The following ELAPOR2 variants were observed in gnomAD, a reference collection of about 807,000 sequenced individuals.
ELAPOR2 encodes the protein endosome/lysosome-associated apoptosis and autophagy regulator family member 2.
In ELAPOR2, 89 loss-of-function variants were observed where a neutral mutation model predicts 120.7. The ratio of observed to expected loss-of-function variants is 0.74; its 90% CI spans 0.62 to 0.88. The LOEUF (loss-of-function observed/expected upper bound fraction) is 0.88, where lower values mean the gene tolerates loss of function less well. ELAPOR2 is among the 40% of genes least tolerant of loss of function. The pLI is 0.00. For missense variants in ELAPOR2, 1,134 were observed against 1,251.6 expected (o/e 0.91, Z 1.42); for synonymous variants, 444 against 444.9 (o/e 1.00, Z 0.03).
chr7:86,965,877 C>T, intron 1 of ELAPOR2: 1 of 985,374 alleles, frequency 1.0e-6, no homozygotes, highest in Non-Finnish European at 1.2e-6. Flanking sequence ...GCCTCCCTCA[C>T]TGTGTCAATG....
At chr7:86,996,666 G>GAA (rs767591231) in intron 1 of ELAPOR2, among the ~76,000 whole-genome samples, 34 of 152,222 alleles carry the variant, frequency 2.2e-4, no homozygotes, top group Non-Finnish European at 4.3e-4. Flanking sequence ...ACAGAGAACA[G>GAA]AAGTGGAGGT....
intron 1 of ELAPOR2, among the ~76,000 whole-genome samples, chr7:86,984,489 C>T (rs11771311): frequency 0.024 from 3,657 of 152,312 alleles, 72 homozygotes; most frequent in Non-Finnish European, 0.036. Context: ...TACTGTCTCC[C>T]AGACCACAGT....
At chr7:86,981,605 C>T (rs1692073535) in intron 1 of ELAPOR2, among the ~76,000 whole-genome samples, 1 of 152,222 alleles carries the variant, frequency 6.6e-6, no homozygotes, top group Admixed American at 6.5e-5. Context: ...CTGCTTCAGG[C>T]AACTAATGAA....
At chr7:87,014,958 T>C (rs1199563675) in intron 1 of ELAPOR2, among the ~76,000 whole-genome samples, 1 of 152,020 alleles carries the variant, frequency 6.6e-6, no homozygotes, top group East Asian at 1.9e-4. Flanking sequence ...GCAGTTTTCA[T>C]ATATAATTAT....
At chr7:86,955,197 T>A (rs577477253) in intron 2 of ELAPOR2, among the ~76,000 whole-genome samples, 15 of 152,238 alleles carry the variant, frequency 9.9e-5, no homozygotes, top group African/African-American at 3.4e-4. Flanking sequence ...ACCATCCTTT[T>A]AAGCTGTTAT....
At chr7:87,039,258 C>A (rs1398941803) in intron 1 of ELAPOR2, among the ~76,000 whole-genome samples, 2 of 151,496 alleles carry the variant, frequency 1.3e-5, no homozygotes, top group Non-Finnish European at 2.9e-5. Context: ...GAAATCAAAG[C>A]CACAATAAAA....
intron 12 of ELAPOR2, among the ~76,000 whole-genome samples, chr7:86,915,441 ATATTT>A (rs949597558): frequency 2.0e-5 from 3 of 151,894 alleles, no homozygotes; most frequent in Non-Finnish European, 4.4e-5. Context: ...GGTTTAATTT[ATATTT>A]TATTTATTAT....
At position 86,986,102 on chromosome 7, in the gene ELAPOR2, G is replaced by A. The variant is rs570749042; in HGVS notation, c.190-21078C>T. Among the ~76,000 whole-genome samples the A allele has an allele frequency of 1.8e-4, 27 of 149,536 alleles. No individual in the cohort carries two copies. In the East Asian group the frequency reaches 2.3e-3, roughly 13 times the overall value. On this transcript the variant is annotated intron_variant, in intron 1 of 21. Coordinates refer to ENST00000450689, the MANE Select transcript of ELAPOR2 (RefSeq NM_001142749.3). ...AAAGAAATAAAGGGTATTCAATCAG[G>A]AAAAGAGGAAGTCAAATTGTCCCTG... is the stretch of plus-strand genomic sequence containing the variant.
At chr7:86,964,690 T>A (rs1271703677) in intron 2 of ELAPOR2, among the ~76,000 whole-genome samples, 1 of 152,080 alleles carries the variant, frequency 6.6e-6, no homozygotes, top group East Asian at 1.9e-4. Context: ...TAAAAAAAAA[T>A]AATAACATTC....
intron 1 of ELAPOR2, among the ~76,000 whole-genome samples, chr7:87,004,041 T>C (rs1767698): frequency 0.38 from 57,569 of 151,968 alleles, 11,754 homozygotes; most frequent in African/African-American, 0.53. Context: ...ATCTAAAAAG[T>C]CAAGTGTGAG....
At chr7:86,990,945 T>C (rs957713800) in intron 1 of ELAPOR2, among the ~76,000 whole-genome samples, 2 of 152,212 alleles carry the variant, frequency 1.3e-5, no homozygotes, top group Non-Finnish European at 1.5e-5. Context: ...AAAGCAGGTC[T>C]GTCAAAGGAA....
chr7:86,903,692 T>A (rs1045286150), intron 18 of ELAPOR2, among the ~76,000 whole-genome samples: 22 of 152,172 alleles, frequency 1.4e-4, no homozygotes, highest in Non-Finnish European at 3.2e-4. Context: ...GTTCCTTTTG[T>A]GAGATTCAAT....
chr7:87,040,110 G>T (rs796363079), intron 1 of ELAPOR2, among the ~76,000 whole-genome samples: 51 of 152,352 alleles, frequency 3.3e-4, no homozygotes, highest in Middle Eastern at 3.4e-3. Context: ...CACCTGGCTC[G>T]GAGGGTCCTA....
chr7:86,914,874 GA>G lies in ELAPOR2; in HGVS notation c.1594-15del. 2 of 1,588,704 alleles carry G rather than the reference GA, an allele frequency of 1.3e-6. No individual in the cohort carries two copies. The highest frequency in any genetic ancestry group is 8.6e-7 in the Non-Finnish European group (1 of 1,165,298). On this transcript the variant is annotated splice_polypyrimidine_tract_variant and intron_variant, in intron 12 of 21. Coordinates refer to ENST00000450689, the MANE Select transcript of ELAPOR2 (RefSeq NM_001142749.3). ...TCTATTAATATCCTGAAATATAGTG[GA>G]AAAACTATATTCAAATAAAGCACAA... is the stretch of plus-strand genomic sequence containing the variant.
chr7:87,023,995 A>G (rs1376858070), intron 1 of ELAPOR2, among the ~76,000 whole-genome samples: 3 of 152,162 alleles, frequency 2.0e-5, no homozygotes, highest in Non-Finnish European at 2.9e-5. Flanking sequence ...TAGATATACA[A>G]TCATGTCATC....
intron 1 of ELAPOR2, chr7:86,965,997 C>T (rs1422010226): frequency 2.0e-6 from 2 of 982,200 alleles, no homozygotes; most frequent in Non-Finnish European, 2.4e-6. Flanking sequence ...AATGACTGTC[C>T]TAATTTTAAC....
Position 86,893,052 on chromosome 7 carries a change from A to G in ELAPOR2, c.2734T>C (p.Ser912Pro). 6.3e-7 allele frequency: 1 copy of G among 1,575,160 alleles called. No homozygotes were observed. The highest frequency in any genetic ancestry group is 8.6e-7 in the Non-Finnish European group (1 of 1,165,714). Residue 912 changes from serine to proline, a missense_variant, in exon 20 of 22, where the codon TCT becomes CCT. Transcript: ENST00000450689. ...GTTGCCAACTTTTTCTCAGGCAAAG[A>G]AATTCCTTTAATGCACCATTTAGGT... ...NEPKWCIKGISLPEKKLATCE... is the reference protein window; with the variant it reads ...NEPKWCIKGIPLPEKKLATCE...
intron 2 of ELAPOR2, among the ~76,000 whole-genome samples, chr7:86,955,400 T>A (rs1791430866): frequency 6.6e-6 from 1 of 152,098 alleles, no homozygotes; most frequent in African/African-American, 2.4e-5. Flanking sequence ...TTTTTTTTTA[T>A]CCTGAGGGTA....
chr7:86,919,941 C>T (rs1404454480), intron 10 of ELAPOR2: 3 of 152,018 alleles, frequency 2.0e-5, no homozygotes, highest in Non-Finnish European at 4.4e-5. Flanking sequence ...TGCAAAGTAA[C>T]AATCAATATA....
Sources: allele counts gnomAD v4.1 joint callset (sites outside exome capture counted in the v4.1 genomes callset), GRCh38; gene constraint gnomAD v4.1.1; transcripts MANE v1.5; gene names NCBI Gene and HGNC (gene_info 2026-07-23, HGNC 2026-07-21).